Variants in MKI67 observed in about 807,000 individuals in gnomAD.
MKI67 encodes marker of proliferation Ki-67.
A neutral mutation model predicts 233.5 loss-of-function variants in MKI67; 152 were observed. The observed-to-expected ratio is 0.65, with a 90% CI of 0.57 to 0.74. The LOEUF is 0.74. Among genes scored for constraint, MKI67 ranks in the 30% least tolerant of loss-of-function variants. The pLI is 0.00. For synonymous variants in MKI67, 1,465 were observed against 1,418.5 expected, an observed-to-expected ratio of 1.03 and a Z score of -0.74; for missense variants, 3,940 against 3,885.2, an observed-to-expected ratio of 1.01 and a Z score of -0.37.
Position 128,099,016 on chromosome 10 carries a change from G to A in MKI67, c.*174C>T. The A allele has an allele frequency of 1.9e-6, 1 of 531,222 alleles. No homozygotes were observed. 32.9% of individuals were successfully genotyped at this position (531,222 alleles called of 1,614,324 possible). On this transcript the variant is annotated 3_prime_UTR_variant, in exon 15 of 15. Coordinates refer to ENST00000368654, the MANE Select transcript of MKI67 (RefSeq NM_002417.5). ...CTATTCTCAGTCCAGGAGCCCAGCA[G>A]TGCTCCCAGTGGAGTTTATGAAGCC...
rs377467707 is a variant in MKI67 at position 128,111,820 on chromosome 10, T to C, written c.2089-4A>G. On this transcript the variant is annotated splice_region_variant and splice_polypyrimidine_tract_variant and intron_variant, in intron 10 of 14. Transcript: ENST00000368654. Reference sequence around the variant, plus strand: ...TGTGAACTTCGCCCACAGGCTTCTGTAGAAAACAGGAAGGAGGTAAACAGG... The same window carrying C: ...TGTGAACTTCGCCCACAGGCTTCTGCAGAAAACAGGAAGGAGGTAAACAGG... 3.4e-5 allele frequency: 55 copies of C among 1,612,130 alleles called. No individual in the cohort carries two copies. The highest frequency in any genetic ancestry group is 4.5e-5 in the Non-Finnish European group (53 of 1,179,488).
chr10:128,099,663 C>T (rs1041114709), intron 14 of MKI67, among the ~76,000 whole-genome samples: 1 of 152,242 alleles, frequency 6.6e-6, no homozygotes, highest in Admixed American at 6.5e-5. Context: ...GCCCAACTTG[C>T]ATGCAGGAGA....
At position 128,109,073 on chromosome 10, in the gene MKI67, T is replaced by C. The variant is rs1402218554; in HGVS notation, c.2767A>G (p.Lys923Glu). The C allele has an allele frequency of 3.1e-6, 5 of 1,614,102 alleles. No individual in the cohort carries two copies. The highest frequency in any genetic ancestry group is 4.2e-6 in the Non-Finnish European group (5 of 1,180,036). ...GTCTCAAAAGGTCTTTCTATTTCCT[T>C]CATCTCTCCTTCTCTCCTTTGTTGT... is the stretch of plus-strand genomic sequence containing the variant. ...LLQQRREGEM[K>E]EIERPFETYK... The change falls in exon 13 of 15, where the codon AAG (lysine) becomes GAG (glutamate). Residue 923 changes from lysine (K) to glutamate (E), a missense_variant. Transcript: ENST00000368654.
Position 128,107,319 on chromosome 10 carries a change from G to A in MKI67, c.4521C>T (p.Ser1507=). ...QPDPVDTPTS[S]KPQSKRSLRK... is the part of the protein sequence containing the mutation. ...TGAGACTTCTCTTGGACTGTGGCTTGGAGCTTGTTGGTGTGTCCACTGGGT... is the reference window on the plus strand; with the variant it reads ...TGAGACTTCTCTTGGACTGTGGCTTAGAGCTTGTTGGTGTGTCCACTGGGT... The change falls in exon 13 of 15, where the codon TCC becomes TCT. Residue 1507 remains serine, a synonymous_variant. Coordinates refer to ENST00000368654, the MANE Select transcript of MKI67 (RefSeq NM_002417.5). The A allele has an allele frequency of 6.2e-7, 1 of 1,614,124 alleles. No homozygotes were observed. The highest frequency in any genetic ancestry group is 8.5e-7 in the Non-Finnish European group (1 of 1,180,036).
rs142164813 is a variant in MKI67 at position 128,103,057 on chromosome 10, G to T, written c.8783C>A (p.Pro2928Gln). Residue 2928 changes from proline (P) to glutamine (Q), a missense_variant, in exon 13 of 15, where the codon CCA becomes CAA. Pro to Gln is a moderately conservative substitution (Grantham distance 76, BLOSUM62 -1). Transcript: ENST00000368654. ...LASFQELSQT[P>Q]GHTEELANGA... ...ATTTGCCAGTTCCTCAGTGTGGCCT[G>T]GTGTTTGAGAGAGCTCTTGGAAGCT... 1.2e-6 allele frequency: 2 copies of T among 1,614,114 alleles called. No individual in the cohort carries two copies.
Position 128,109,322 on chromosome 10 carries a change from T to C in MKI67, c.2518A>G (p.Asn840Asp), listed in dbSNP as rs750933067. ...GTGTTCCTGGGCGTTTTTGCTACGT[T>C]TCCATTTTCTCTAATACACTGCCGT... is the stretch of plus-strand genomic sequence containing the variant. ...LRRQCIRENG[N>D]VAKTPRNTYK... is the part of the protein sequence containing the mutation. Residue 840 changes from asparagine (N) to aspartate (D), a missense_variant, in exon 13 of 15, where the codon AAC becomes GAC. Transcript: ENST00000368654. The C allele has an allele frequency of 6.2e-7, 1 of 1,614,194 alleles. No individual in the cohort carries two copies. The highest frequency in any genetic ancestry group is 2.2e-5 in the East Asian group (1 of 44,878).
In MKI67 at chr10:128,096,963, G is replaced by C. The variant is rs1184964544; in HGVS notation, c.*2227C>G. 2 of 152,644 alleles carry C rather than the reference G, an allele frequency of 1.3e-5. No individual in the cohort carries two copies. The highest frequency in any genetic ancestry group is 2.9e-5 in the Non-Finnish European group (2 of 68,424). 9.5% of individuals were successfully genotyped at this position (152,644 alleles called of 1,614,324 possible). The stretch of plus-strand genomic sequence containing the variant: ...GACTGGATGAAATGATCTTGGTGGG[G>C]CAGGAGGGAAAGTTCCAGGCAGGGA... On this transcript the variant is annotated 3_prime_UTR_variant, in exon 15 of 15. Transcript: ENST00000368654.
At chr10:128,100,831 T>A (rs1852320743) in intron 14 of MKI67, among the ~76,000 whole-genome samples, 1 of 152,362 alleles carries the variant, frequency 6.6e-6, no homozygotes, top group Non-Finnish European at 1.5e-5. Flanking sequence ...CTTCTGTTCC[T>A]TCTGCCTTTC....
rs1853043143 is a variant in MKI67, at chr10:128,125,785, A to G, written c.-89-29T>C. The G allele has an allele frequency of 1.2e-6, 1 of 850,088 alleles. No homozygotes were observed. The highest frequency in any genetic ancestry group is 2.0e-6 in the Non-Finnish European group (1 of 508,218). 52.7% of individuals were successfully genotyped at this position (850,088 alleles called of 1,614,324 possible). A position where few individuals can be genotyped will look rare whatever the true frequency, so the allele number is the denominator to read the frequency against. On this transcript the variant is annotated intron_variant, in intron 1 of 14. Coordinates refer to ENST00000368654, the MANE Select transcript of MKI67 (RefSeq NM_002417.5). The surrounding 1 kb of genome is among the most constrained non-coding windows in gnomAD (Gnocchi z 5.3). ...CAAAAGAGGTGCGAGTTACTCTGAT[A>G]GCAAAGGAGCTAAGAAGGGCCCCGT...
intron 14 of MKI67, among the ~76,000 whole-genome samples, chr10:128,100,702 T>C (rs1241086863): frequency 1.3e-5 from 2 of 152,174 alleles, no homozygotes; most frequent in Non-Finnish European, 1.5e-5. Context: ...GTGATTTCAG[T>C]AGCACTTAAA....
At position 128,122,937 on chromosome 10, in the gene MKI67, A is replaced by T; in HGVS notation, c.231T>A (p.Asp77Glu). Residue 77 changes from aspartate (D) to glutamate (E), a missense_variant, in exon 4 of 15, where the codon GAT becomes GAA. Coordinates refer to ENST00000368654, the MANE Select transcript of MKI67 (RefSeq NM_002417.5). ...NPTQVNGSVI[D>E]EPVRLKHGDV... ...CTCCATGTTTTAGCCGTACAGGCTC[A>T]TCAATAACAGACCCATTTACTTGTG... 1 of 1,608,744 alleles carries T rather than the reference A, an allele frequency of 6.2e-7. No homozygotes were observed. The highest frequency in any genetic ancestry group is 1.1e-5 in the South Asian group (1 of 90,538).
Position 128,122,899 on chromosome 10 carries a change from A to G in MKI67, c.269T>C (p.Ile90Thr), listed in dbSNP as rs1235964572. The G allele has an allele frequency of 6.3e-7, 1 of 1,576,516 alleles. No individual in the cohort carries two copies. The highest frequency in any genetic ancestry group is 1.8e-5 in the Admixed American group (1 of 57,060). ...VRLKHGDVIT[I>T]IDRSFRYENE... ...TACCTACCTGAAGGAACGATCAATA[A>G]TAGTTATTACATCTCCATGTTTTAG... The change falls in exon 4 of 15, where the codon ATT becomes ACT. Residue 90 changes from isoleucine to threonine, a missense_variant. Transcript: ENST00000368654.
chr10:128,108,355 G>T lies in MKI67; in HGVS notation c.3485C>A (p.Ala1162Glu), dbSNP rs778621678. ...RKADVEEEFL[A>E]LRKLTPSAGK... is the part of the protein sequence containing the mutation. The stretch of plus-strand genomic sequence containing the variant: ...TGCTGATGGTGTTAGTTTCCTGAGT[G>T]CTAAGAATTCTTCCTCTACATCTGC... Residue 1162 changes from alanine (A) to glutamate (E), a missense_variant, in exon 13 of 15, where the codon GCA becomes GAA. By Grantham distance (107) the Ala-to-Glu change is moderately radical. Transcript: ENST00000368654. 6.2e-7 allele frequency: 1 copy of T among 1,614,016 alleles called. No homozygotes were observed. Among genetic ancestry groups the T allele is most frequent in the Admixed American group, 1.7e-5 (1 of 60,000 alleles).
intron 4 of MKI67, among the ~76,000 whole-genome samples, chr10:128,121,172 T>C (rs1304790043): frequency 6.6e-6 from 1 of 151,684 alleles, no homozygotes; most frequent in Non-Finnish European, 1.5e-5. Flanking sequence ...TTGTACACCA[T>C]AGTACAGCCT....
In MKI67 at chr10:128,115,327, G is replaced by GT; in HGVS notation, c.1080dup (p.His361ThrfsTer2). 1 of 1,614,118 alleles carries GT rather than the reference G, an allele frequency of 6.2e-7. No homozygotes were observed. The highest frequency in any genetic ancestry group is 8.5e-7 in the Non-Finnish European group (1 of 1,180,020). ...GTAGTATACAGGTCTTTGTTCTTAT[G>GT]TTTTTGTGGAGAATTTTGTTGCTGT... On this transcript the variant is annotated frameshift_variant, in exon 7 of 15. Coordinates refer to ENST00000368654, the MANE Select transcript of MKI67 (RefSeq NM_002417.5). LOFTEE classifies it high-confidence loss of function.
Position 128,103,117 on chromosome 10 carries a change from G to A in MKI67, c.8723C>T (p.Pro2908Leu). ...TTCCAGGGGTTGGGCCTTTTCCTTAGGTGCTCTTGGCTGTCTCCTGCTGCC... is the reference window on the plus strand; with the variant it reads ...TTCCAGGGGTTGGGCCTTTTCCTTAAGTGCTCTTGGCTGTCTCCTGCTGCC... ...VIGSRRQPRA[P>L]KEKAQPLEDL... is the part of the protein sequence containing the mutation. Residue 2908 changes from proline (P) to leucine (L), a missense_variant, in exon 13 of 15, where the codon CCT becomes CTT. By Grantham distance (98) the Pro-to-Leu change is moderately conservative (BLOSUM62 -3). Coordinates refer to ENST00000368654, the MANE Select transcript of MKI67 (RefSeq NM_002417.5). 6.2e-7 allele frequency: 1 copy of A among 1,614,228 alleles called. No individual in the cohort carries two copies. The highest frequency in any genetic ancestry group is 8.5e-7 in the Non-Finnish European group (1 of 1,180,036).
rs1005660201 is a variant in MKI67, at chr10:128,108,338, G to A, written c.3502C>T (p.Pro1168Ser). The A allele has an allele frequency of 5.0e-6, 8 of 1,613,864 alleles. No individual in the cohort carries two copies. The highest frequency in any genetic ancestry group is 1.7e-5 in the Admixed American group (1 of 59,990). Residue 1168 changes from proline to serine, a missense_variant, in exon 13 of 15, where the codon CCA (proline) becomes TCA (serine). Pro to Ser is a moderately conservative substitution (Grantham distance 74). Transcript: ENST00000368654. Reference sequence around the variant, plus strand: ...GTAAGCATGGCTTTCCCTGCTGATGGTGTTAGTTTCCTGAGTGCTAAGAAT... The same window carrying A: ...GTAAGCATGGCTTTCCCTGCTGATGATGTTAGTTTCCTGAGTGCTAAGAAT... The part of the protein sequence containing the change: ...EEFLALRKLT[P>S]SAGKAMLTPK...
At position 128,109,000 on chromosome 10, in the gene MKI67, G is replaced by A; in HGVS notation, c.2840C>T (p.Ala947Val). 1.9e-6 allele frequency: 3 copies of A among 1,614,154 alleles called. No individual in the cohort carries two copies. The highest frequency in any genetic ancestry group is 2.5e-6 in the Non-Finnish European group (3 of 1,180,024). ...ELKENDEKMK[A>V]MKRSRTWGQK... Reference sequence around the variant, plus strand: ...CCCCCAAGTTCTTGATCTCTTCATTGCTTTCATCTTTTCATCGTTTTCTTT... The same window carrying A: ...CCCCCAAGTTCTTGATCTCTTCATTACTTTCATCTTTTCATCGTTTTCTTT... The change falls in exon 13 of 15, where the codon GCA becomes GTA. Residue 947 changes from alanine to valine, a missense_variant. Transcript: ENST00000368654.
At chr10:128,122,851 T>G in intron 4 of MKI67, 30 bp downstream of exon 4, 2 of 1,107,536 alleles carry the variant, frequency 1.8e-6, no homozygotes, top group Non-Finnish European at 2.6e-6. Context: ...AAGATGACAT[T>G]TACTGTTAGA....
Sources: allele counts gnomAD v4.1 joint callset (sites outside exome capture counted in the v4.1 genomes callset), GRCh38; gene constraint gnomAD v4.1.1; non-coding constraint Gnocchi (gnomAD v3.1); transcripts MANE v1.5; gene names NCBI Gene and HGNC (gene_info 2026-07-23, HGNC 2026-07-21).